CFAP44: variants seen among roughly 807,000 people sequenced by gnomAD.
CFAP44 encodes cilia- and flagella-associated protein 44.
In CFAP44, 134 loss-of-function variants were observed where a neutral mutation model predicts 216.2. That is an observed-to-expected ratio of 0.62 (90% CI 0.54 to 0.72). CFAP44 has a LOEUF of 0.72. Ranked by LOEUF, CFAP44 falls within the 30% of genes least tolerant of loss-of-function variation. The probability of loss-of-function intolerance (pLI) is 0.00; values close to 1 mark genes in which losing one functional copy is unlikely to be tolerated. For synonymous variants in CFAP44, 700 were observed against 727.6 expected, an observed-to-expected ratio of 0.96 and a Z score of 0.61; for missense variants, 2,035 against 2,182.1, an observed-to-expected ratio of 0.93 and a Z score of 1.34.
At chr3:113,371,820 T>C (rs1463331282) in intron 18 of CFAP44, among the ~76,000 whole-genome samples, 1 of 152,152 alleles carries the variant, frequency 6.6e-6, no homozygotes, top group East Asian at 1.9e-4. Flanking sequence ...ATTTTTGCAA[T>C]CTACCCATCT....
intron 22 of CFAP44, among the ~76,000 whole-genome samples, chr3:113,347,860 G>A (rs896952004): frequency 6.6e-6 from 1 of 152,118 alleles, no homozygotes; most frequent in African/African-American, 2.4e-5. Flanking sequence ...ATACTAACAG[G>A]AGAATGCCTA....
intron 6 of CFAP44, among the ~76,000 whole-genome samples, chr3:113,410,100 C>T (rs1249111227): frequency 6.6e-6 from 1 of 152,178 alleles, no homozygotes; most frequent in Non-Finnish European, 1.5e-5. Flanking sequence ...CACTGCTCTG[C>T]CTATGGAGTA....
intron 23 of CFAP44, 51 bp downstream of exon 23, chr3:113,344,465 T>G: frequency 6.8e-7 from 1 of 1,472,276 alleles, no homozygotes; most frequent in Non-Finnish European, 9.1e-7. Flanking sequence ...GACAATTCAC[T>G]TTTGAAGTCT....
At chr3:113,395,980 T>C (rs1006726663) in intron 14 of CFAP44, 120 bp from the exon 15 acceptor site, 27 of 645,632 alleles carry the variant, frequency 4.2e-5, no homozygotes, top group Non-Finnish European at 6.5e-5. Context: ...ATATCCCAGA[T>C]TATTCTAGGA....
intron 17 of CFAP44, among the ~76,000 whole-genome samples, chr3:113,377,113 G>GT (rs1933368127): frequency 6.6e-6 from 1 of 152,202 alleles, no homozygotes; most frequent in Non-Finnish European, 1.5e-5. Flanking sequence ...TCTGTGAAAT[G>GT]TGAGATGAGG....
In CFAP44 at chr3:113,363,925, C is replaced by T. The variant is rs140637542; in HGVS notation, c.2716-393G>A. On this transcript the variant is annotated intron_variant, in intron 19 of 34. Transcript: ENST00000393845. ...TACCTTTATCACATGAATCATTTGT[C>T]CAAATACCTCAGTGTGTCCTAGAAA... Among the ~76,000 whole-genome samples the T allele has an allele frequency of 1.9e-3, 291 of 152,174 alleles. 2 individuals are homozygous for T. Among genetic ancestry groups the T allele is most frequent in the African/African-American group, 5.7e-3 (238 of 41,538 alleles).
At chr3:113,332,517 T>G (rs535922272) in intron 25 of CFAP44, among the ~76,000 whole-genome samples, 1 of 152,340 alleles carries the variant, frequency 6.6e-6, no homozygotes, top group South Asian at 2.1e-4. Flanking sequence ...TCCAAAGTGA[T>G]GCCTTGAAAT....
chr3:113,292,643 A>C (rs760677084), intron 34 of CFAP44, among the ~76,000 whole-genome samples: 1 of 152,208 alleles, frequency 6.6e-6, no homozygotes, highest in Non-Finnish European at 1.5e-5. Flanking sequence ...AGACTCAGGG[A>C]GTCATTAACT....
intron 28 of CFAP44, among the ~76,000 whole-genome samples, chr3:113,322,327 A>G (rs942694587): frequency 2.6e-5 from 4 of 152,228 alleles, no homozygotes; most frequent in African/African-American, 9.6e-5. Flanking sequence ...TAGACAACCT[A>G]CAGAATGGAA....
intron 32 of CFAP44, among the ~76,000 whole-genome samples, chr3:113,303,309 A>G (rs1949955858): frequency 6.6e-6 from 1 of 152,222 alleles, no homozygotes; most frequent in Non-Finnish European, 1.5e-5. Context: ...TAATAATGAA[A>G]AATAATAAAT....
At chr3:113,307,999 C>G (rs1950002663) in intron 29 of CFAP44, among the ~76,000 whole-genome samples, 159 bp downstream of exon 29, 1 of 152,070 alleles carries the variant, frequency 6.6e-6, no homozygotes. Context: ...AATAAATATC[C>G]TTACACTTAA....
At chr3:113,320,995 G>T (rs1012103306) in intron 28 of CFAP44, among the ~76,000 whole-genome samples, 2 of 152,084 alleles carry the variant, frequency 1.3e-5, no homozygotes, top group Non-Finnish European at 2.9e-5. Flanking sequence ...CATCACAGGA[G>T]GGATTCCTCC....
chr3:113,439,134 T>C (rs959077687), intron 1 of CFAP44, among the ~76,000 whole-genome samples: 3 of 152,184 alleles, frequency 2.0e-5, no homozygotes, highest in African/African-American at 7.2e-5. Flanking sequence ...TAAATTTCGT[T>C]TCATTAGATC....
intron 19 of CFAP44, 28 bp from the exon 20 acceptor site, chr3:113,363,560 C>T (rs1950561582): frequency 1.3e-6 from 2 of 1,557,668 alleles, no homozygotes; most frequent in African/African-American, 2.7e-5. Context: ...AAAGGTTAGC[C>T]CTTTAAAATT....
rs556715012 is a variant in CFAP44 at position 113,439,749 on chromosome 3, C to T, written c.-6+1704G>A. 7.9e-5 allele frequency among the ~76,000 whole-genome samples: 12 copies of T among 152,300 alleles called. No individual in the cohort carries two copies. In the South Asian group the frequency reaches 1.9e-3, roughly 24 times the overall value. On this transcript the variant is annotated intron_variant, in intron 1 of 34. Coordinates refer to ENST00000393845, the MANE Select transcript of CFAP44 (RefSeq NM_001164496.2). ...GTGTGTTGCTAGAAGGTTGGCTAGACGCCAGACAGAGTGCTGTCTAAGGTG... is the reference window on the plus strand; with the variant it reads ...GTGTGTTGCTAGAAGGTTGGCTAGATGCCAGACAGAGTGCTGTCTAAGGTG...
At position 113,363,271 on chromosome 3, in the gene CFAP44, C is replaced by A. The variant is rs1327587867; in HGVS notation, c.2808G>T (p.Lys936Asn). 1 of 1,612,578 alleles carries A rather than the reference C, an allele frequency of 6.2e-7. No homozygotes were observed. Among genetic ancestry groups the A allele is most frequent in the African/African-American group, 1.3e-5 (1 of 74,990 alleles). ...TTATTTCTCCCACTTCTTTCATTAA[C>A]TTGTCATGTTCTCTTTTTCTCCTAG... Reference protein sequence around the residue: ...ENARRKREHDKLMKEVGEIKA... With the variant: ...ENARRKREHDNLMKEVGEIKA... The change falls in exon 21 of 35, where the codon AAG becomes AAT. Residue 936 changes from lysine (K) to asparagine (N), a missense_variant. Lys to Asn is a moderately conservative substitution (Grantham distance 94). This residue lies in a region of CFAP44 where 1,883 missense variants were observed against 2,023.7 expected (regional missense o/e 0.93). Coordinates refer to ENST00000393845, the MANE Select transcript of CFAP44 (RefSeq NM_001164496.2).
chr3:113,291,383 C>A lies in CFAP44; in HGVS notation c.*174G>T, dbSNP rs1949827198. 4 of 741,094 alleles carry A rather than the reference C, an allele frequency of 5.4e-6. No homozygotes were observed. Among genetic ancestry groups the A allele is most frequent in the Admixed American group, 5.8e-5 (2 of 34,244 alleles). The allele number at this position is 741,094 out of a possible 1,614,324, so 45.9% of individuals were successfully genotyped here. On this transcript the variant is annotated 3_prime_UTR_variant, in exon 35 of 35. Coordinates refer to ENST00000393845, the MANE Select transcript of CFAP44 (RefSeq NM_001164496.2). ...CAGAGGTTGGGTGCTGCAGTCAGTT[C>A]TAAGATAACCAAATTGTAGAGAGAT...
chr3:113,380,693 C>T (rs1297499685), intron 16 of CFAP44, among the ~76,000 whole-genome samples: 1 of 152,142 alleles, frequency 6.6e-6, no homozygotes, highest in African/African-American at 2.4e-5. Context: ...CTCTGCAGAC[C>T]CCTAAAATTT....
At chr3:113,372,400 T>C (rs1269204310) in intron 18 of CFAP44, among the ~76,000 whole-genome samples, 1 of 152,008 alleles carries the variant, frequency 6.6e-6, no homozygotes, top group Non-Finnish European at 1.5e-5. Context: ...TATGCAGCCA[T>C]AAAAAAGGAT....
Sources: allele counts gnomAD v4.1 joint callset (sites outside exome capture counted in the v4.1 genomes callset), GRCh38; gene constraint gnomAD v4.1.1; regional missense constraint gnomAD v4.1.1; transcripts MANE v1.5; gene names NCBI Gene and HGNC (gene_info 2026-07-23, HGNC 2026-07-21).